Variants in SLC3A2 observed in about 807,000 individuals in gnomAD.
SLC3A2 encodes the protein amino acid transporter heavy chain SLC3A2.
SLC3A2 carries 32 observed loss-of-function variants against 48.5 expected under a neutral mutation model. The ratio of observed to expected loss-of-function variants is 0.66; its 90% CI spans 0.50 to 0.89. The LOEUF (loss-of-function observed/expected upper bound fraction) is 0.89. Ranked by LOEUF, SLC3A2 falls within the 40% of genes least tolerant of loss-of-function variation. The pLI, the probability that SLC3A2 is intolerant of heterozygous loss-of-function variation, is 0.00. For synonymous variants in SLC3A2, 277 were observed against 288.8 expected, an observed-to-expected ratio of 0.96 and a Z score of 0.41; for missense variants, 587 against 680.7, an observed-to-expected ratio of 0.86 and a Z score of 1.53.
chr11:62,872,276 C>A (rs1250903903), intron 1 of SLC3A2, among the ~76,000 whole-genome samples: 3 of 152,154 alleles, frequency 2.0e-5, no homozygotes, highest in Non-Finnish European at 4.4e-5. Context: ...CTAATGCTAG[C>A]ACTTTGGGAG....
chr11:62,866,128 T>C (rs886889802), intron 1 of SLC3A2, among the ~76,000 whole-genome samples: 6 of 152,132 alleles, frequency 3.9e-5, no homozygotes. Context: ...CACTTTTTTT[T>C]TTTTTTTGGA....
At chr11:62,879,313 C>T (rs1457454206), upstream of SLC3A2, among the ~76,000 whole-genome samples, 1 of 152,156 alleles carries the variant, frequency 6.6e-6, no homozygotes, top group Non-Finnish European at 1.5e-5. Context: ...CACTATGTTG[C>T]CCCGTCTGGT....
At chr11:62,868,863 G>C (rs1476455053) in intron 1 of SLC3A2, among the ~76,000 whole-genome samples, 3 of 152,006 alleles carry the variant, frequency 2.0e-5, no homozygotes, top group Non-Finnish European at 4.4e-5. Context: ...ATGAGGTTTT[G>C]TAATCTTTAC....
intron 1 of SLC3A2, among the ~76,000 whole-genome samples, chr11:62,862,818 G>T (rs888541109): frequency 6.6e-6 from 1 of 152,140 alleles, no homozygotes; most frequent in African/African-American, 2.4e-5. Context: ...GAGCAACCCT[G>T]CCCCCACCTG....
intron 2 of SLC3A2, 56 bp from the exon 3 acceptor site, chr11:62,882,852 T>G: frequency 7.2e-7 from 1 of 1,396,794 alleles, no homozygotes; most frequent in Non-Finnish European, 1.0e-6. Flanking sequence ...GTGATTTCCT[T>G]ATTTTCCCTT....
Position 62,881,913 on chromosome 11 carries a change from T to C in SLC3A2, c.445T>C (p.Tyr149His). Reference sequence around the variant, plus strand: ...TTCAGGTCTGAAGGGGCGTCTCGATTACCTGAGCTCTCTGAAGGTGAAGGG... The same window carrying C: ...TTCAGGTCTGAAGGGGCGTCTCGATCACCTGAGCTCTCTGAAGGTGAAGGG... ...NLAGLKGRLDYLSSLKVKGLV... is the reference protein window; with the variant it reads ...NLAGLKGRLDHLSSLKVKGLV... Residue 149 changes from tyrosine (Y) to histidine (H), a missense_variant, in exon 2 of 9, where the codon TAC (tyrosine) becomes CAC (histidine). Around this residue, in one of 3 missense-constraint regions of SLC3A2, gnomAD observed 409 missense variants for 446.7 expected, o/e 0.92. Coordinates refer to ENST00000338663, the MANE Select transcript of SLC3A2 (RefSeq NM_001013251.3). This position sits in a 1 kb window ranked among gnomAD's most constrained non-coding sequence, Gnocchi z 4.0. The C allele has an allele frequency of 6.2e-7, 1 of 1,614,060 alleles. No individual in the cohort carries two copies.
At chr11:62,870,852 A>T (rs2920155) in intron 1 of SLC3A2, 5,132 of 111,122 alleles carry the variant, frequency 0.046, 252 homozygotes, top group African/African-American at 0.25. Context: ...TAATAATAAT[A>T]ATAATTATTA....
At chr11:62,859,475 C>T (rs1240113359) in intron 1 of SLC3A2, among the ~76,000 whole-genome samples, 1 of 152,160 alleles carries the variant, frequency 6.6e-6, no homozygotes, top group African/African-American at 2.4e-5. Flanking sequence ...CTTTTCCCCA[C>T]ATTAGAGACC....
chr11:62,879,998 G>GGT (rs1417421875), upstream of SLC3A2, among the ~76,000 whole-genome samples: 1 of 152,204 alleles, frequency 6.6e-6, no homozygotes, highest in African/African-American at 2.4e-5. Flanking sequence ...GTTCCTGCAA[G>GGT]GTGGGTAAGA....
chr11:62,862,950 C>A (rs1341932872), intron 1 of SLC3A2, among the ~76,000 whole-genome samples: 1 of 152,162 alleles, frequency 6.6e-6, no homozygotes, highest in Non-Finnish European at 1.5e-5. Flanking sequence ...GAGATGGGGT[C>A]TCATTCTGTC....
In SLC3A2 at chr11:62,881,849, G is replaced by A. The variant is rs368712824; in HGVS notation, c.425-44G>A. 14 of 1,599,200 alleles carry A rather than the reference G, an allele frequency of 8.8e-6. No individual in the cohort carries two copies. The East Asian group carries it at 1.6e-4, about 18-fold the overall frequency. Reference sequence around the variant, plus strand: ...AGAAGGGAGGGTGGGGAGGTCAGGGGCCTCTCAGAGGGGCCTCACTTGTTA... The same window carrying A: ...AGAAGGGAGGGTGGGGAGGTCAGGGACCTCTCAGAGGGGCCTCACTTGTTA... On this transcript the variant is annotated intron_variant, in intron 1 of 8. Coordinates refer to ENST00000338663, the MANE Select transcript of SLC3A2 (RefSeq NM_001013251.3). The surrounding 1 kb of genome is among the most constrained non-coding windows in gnomAD (Gnocchi z 4.0).
chr11:62,884,796 C>T (rs2085686322), intron 5 of SLC3A2, 106 bp downstream of exon 5: 3 of 302,784 alleles, frequency 9.9e-6, no homozygotes, highest in Non-Finnish European at 1.7e-5. Context: ...TTTTCTTTAC[C>T]TTTATTCTTT....
chr11:62,859,079 G>C (rs904968782), intron 1 of SLC3A2, among the ~76,000 whole-genome samples: 1 of 152,152 alleles, frequency 6.6e-6, no homozygotes, highest in Non-Finnish European at 1.5e-5. Context: ...GTGTCGGGCT[G>C]GGGGACAGTC....
intron 1 of SLC3A2, among the ~76,000 whole-genome samples, chr11:62,869,118 T>C (rs2085483589): frequency 6.6e-6 from 1 of 151,502 alleles, no homozygotes; most frequent in African/African-American, 2.4e-5. Flanking sequence ...AGGCTGGTCT[T>C]GAACTCCTGA....
intron 1 of SLC3A2, among the ~76,000 whole-genome samples, chr11:62,874,372 T>C (rs1483668525): frequency 6.6e-6 from 1 of 152,144 alleles, no homozygotes; most frequent in African/African-American, 2.4e-5. Context: ...ATTTCTCTGG[T>C]GTTTATCTTT....
At chr11:62,884,353 G>T in intron 3 of SLC3A2, 104 bp from the exon 4 acceptor site, 2 of 1,286,136 alleles carry the variant, frequency 1.6e-6, no homozygotes, top group Non-Finnish European at 1.1e-6. Context: ...ACTCTCCCCA[G>T]CTCCCGGGGA....
chr11:62,862,871 G>A lies in SLC3A2; in HGVS notation c.112+6490G>A, dbSNP rs375699267. ...CTCAATTAATAGAGGAGAAGGATATGCAAATGACCAGTGCTTGTCAGGGAA... is the reference window on the plus strand; with the variant it reads ...CTCAATTAATAGAGGAGAAGGATATACAAATGACCAGTGCTTGTCAGGGAA... On this transcript the variant is annotated intron_variant, in intron 1 of 9. Transcript: ENST00000377889. Among the ~76,000 whole-genome samples, 40 of 152,316 alleles carry A rather than the reference G, an allele frequency of 2.6e-4. 1 individual carries two copies. In the East Asian group the frequency reaches 6.6e-3, roughly 25 times the overall value.
intron 1 of SLC3A2, among the ~76,000 whole-genome samples, chr11:62,875,776 A>G (rs1334936489): frequency 6.6e-6 from 1 of 152,154 alleles, no homozygotes; most frequent in Non-Finnish European, 1.5e-5. Flanking sequence ...CACGTTGGCC[A>G]GGCTGGTCTC....
chr11:62,859,969 C>T (rs533665966), intron 1 of SLC3A2, among the ~76,000 whole-genome samples: 3 of 152,280 alleles, frequency 2.0e-5, no homozygotes, highest in South Asian at 4.2e-4. Context: ...GCTCAGCATA[C>T]GGAGGACCCG....
Sources: gnomAD v4.1 joint callset for allele counts (sites outside exome capture counted in the v4.1 genomes callset) on GRCh38, gnomAD v4.1.1 for gene constraint, gnomAD v4.1.1 regional missense constraint, Gnocchi (gnomAD v3.1) non-coding constraint, MANE v1.5 for transcripts, NCBI Gene and HGNC (gene_info 2026-07-23, HGNC 2026-07-21) for gene names.